Variants in KCNK3 observed in about 807,000 individuals in gnomAD.
KCNK3 encodes potassium channel subfamily K member 3.
In KCNK3, 9 loss-of-function variants were observed where a neutral mutation model predicts 27.3. The ratio of observed to expected loss-of-function variants is 0.33; its 90% CI spans 0.20 to 0.57. The LOEUF (loss-of-function observed/expected upper bound fraction) is 0.57. Ranked by LOEUF, KCNK3 falls within the 20% of genes least tolerant of loss-of-function variation. The pLI, the probability that KCNK3 is intolerant of heterozygous loss-of-function variation, is 0.87. For missense variants in KCNK3, 391 were observed against 577.7 expected, an observed-to-expected ratio of 0.68 and a Z score of 3.31; for synonymous variants, 278 against 273.8, an observed-to-expected ratio of 1.02 and a Z score of -0.15.
rs547671136 is a variant in KCNK3, at chr2:26,695,670, G to T, written c.283+2512G>T. Among the ~76,000 whole-genome samples the T allele has an allele frequency of 1.2e-4, 18 of 152,326 alleles. No homozygotes were observed. The South Asian group carries it at 3.1e-3, about 26-fold the overall frequency. ...TACCCAGAGGCTGTGAGCACACACAGAATGCTATTGATGGGTTTAAGGTGT... is the reference window on the plus strand; with the variant it reads ...TACCCAGAGGCTGTGAGCACACACATAATGCTATTGATGGGTTTAAGGTGT... On this transcript the variant is annotated intron_variant, in intron 1 of 1. Transcript: ENST00000302909.
At chr2:26,718,012 T>C (rs1663262577) in intron 1 of KCNK3, among the ~76,000 whole-genome samples, 1 of 152,102 alleles carries the variant, frequency 6.6e-6, no homozygotes, top group Non-Finnish European at 1.5e-5. Context: ...ATGCAGGGCA[T>C]CCCACACACC....
chr2:26,696,425 G>A (rs1670236011), intron 1 of KCNK3, among the ~76,000 whole-genome samples: 1 of 152,212 alleles, frequency 6.6e-6, no homozygotes, highest in South Asian at 2.1e-4. Context: ...CATATGCTAT[G>A]AAGCTCAGAC....
chr2:26,727,215 G>A (rs978119316), intron 1 of KCNK3, among the ~76,000 whole-genome samples: 3 of 152,178 alleles, frequency 2.0e-5, no homozygotes, highest in African/African-American at 7.2e-5. Context: ...ACTGAGGCAT[G>A]GAGAGGACAA....
Position 26,693,227 on chromosome 2 carries a change from C to T in KCNK3, c.283+69C>T, listed in dbSNP as rs2148251876. 1.0e-5 allele frequency: 3 copies of T among 295,494 alleles called. No individual in the cohort carries two copies. The highest frequency in any genetic ancestry group is 5.3e-5 in the Admixed American group (1 of 18,834). 18.3% of individuals were successfully genotyped at this position (295,494 alleles called of 1,614,324 possible). A position where few individuals can be genotyped will look rare whatever the true frequency, so the allele number is the denominator to read the frequency against. On this transcript the variant is annotated intron_variant, in intron 1 of 1. Coordinates refer to ENST00000302909, the MANE Select transcript of KCNK3 (RefSeq NM_002246.3). The surrounding 1 kb of genome is among the most constrained non-coding windows in gnomAD (Gnocchi z 5.5). ...CGGGGCTCCGGGAGTCGTCCGGGGC[C>T]GGCTGGGGCTGGGGGCGGGGGCTCC...
At chr2:26,700,050 T>C (rs1332623692) in intron 1 of KCNK3, among the ~76,000 whole-genome samples, 1 of 152,232 alleles carries the variant, frequency 6.6e-6, no homozygotes, top group African/African-American at 2.4e-5. Flanking sequence ...TGGGCTCAGC[T>C]TCAGGGTCTC....
intron 1 of KCNK3, among the ~76,000 whole-genome samples, chr2:26,720,908 G>A (rs781735174): frequency 2.0e-5 from 3 of 152,148 alleles, no homozygotes; most frequent in Non-Finnish European, 2.9e-5. Flanking sequence ...CATGAGACCC[G>A]GTGGTTCCCA....
chr2:26,727,807 C>A lies in KCNK3; in HGVS notation c.424C>A (p.Arg142Ser), dbSNP rs1193401227. The A allele has an allele frequency of 6.2e-7, 1 of 1,611,030 alleles. No homozygotes were observed. Among genetic ancestry groups the A allele is most frequent in the African/African-American group, 1.3e-5 (1 of 74,906 alleles). ...INTLVRYLLH[R>S]AKKGLGMRRA... ...CACCTTGGTGAGGTACCTGCTGCAC[C>A]GCGCCAAGAAGGGGCTGGGCATGCG... The change falls in exon 2 of 2, where the codon CGC becomes AGC. Residue 142 changes from arginine to serine, a missense_variant. Arg to Ser is a moderately radical substitution (Grantham distance 110). Transcript: ENST00000302909.
rs558198271 is a variant in KCNK3 at position 26,707,600 on chromosome 2, G to A, written c.283+14442G>A. On this transcript the variant is annotated intron_variant, in intron 1 of 1. Transcript: ENST00000302909. Reference sequence around the variant, plus strand: ...CACTCAGAATGTTTTGGGGCCTGGTGTGATTCCCTGCTACAGAGCCTACAC... The same window carrying A: ...CACTCAGAATGTTTTGGGGCCTGGTATGATTCCCTGCTACAGAGCCTACAC... Among the ~76,000 whole-genome samples, 6 of 152,320 alleles carry A rather than the reference G, an allele frequency of 3.9e-5. No individual in the cohort carries two copies. In the South Asian group the frequency reaches 1.2e-3, roughly 32 times the overall value.
At chr2:26,712,187 C>T (rs1325696080) in intron 1 of KCNK3, among the ~76,000 whole-genome samples, 2 of 152,136 alleles carry the variant, frequency 1.3e-5, no homozygotes, top group Non-Finnish European at 2.9e-5. Flanking sequence ...GCAACAAGCC[C>T]AGGGCAAGTC....
chr2:26,728,263 G>A lies in KCNK3; in HGVS notation c.880G>A (p.Gly294Ser), dbSNP rs1029431375. 16 of 1,586,402 alleles carry A rather than the reference G, an allele frequency of 1.0e-5. No homozygotes were observed. The highest frequency in any genetic ancestry group is 1.4e-5 in the Non-Finnish European group (16 of 1,166,638). ...CTCATCCACGGCGGCAGCGGGCGGC[G>A]GCGGCTTCCGCAACGTCTACGCGGA... Reference protein sequence around the residue: ...TASSTAAAGGGGFRNVYAEVL... With the variant: ...TASSTAAAGGSGFRNVYAEVL... Residue 294 changes from glycine to serine, a missense_variant, in exon 2 of 2, where the codon GGC becomes AGC. Physicochemically the swap from Gly to Ser is moderately conservative, Grantham distance 56. Around this residue, in one of 4 missense-constraint regions of KCNK3, gnomAD observed 192 missense variants for 196.0 expected, o/e 0.98. Transcript: ENST00000302909.
At chr2:26,727,295 C>G (rs1663437432) in intron 1 of KCNK3, among the ~76,000 whole-genome samples, 1 of 152,226 alleles carries the variant, frequency 6.6e-6, no homozygotes, top group Non-Finnish European at 1.5e-5. Flanking sequence ...CCCTCACACT[C>G]TCCCTGTGCC....
chr2:26,712,666 A>AGTGTGTGTGT (rs4007222), intron 1 of KCNK3, among the ~76,000 whole-genome samples: 34 of 145,704 alleles, frequency 2.3e-4, no homozygotes, highest in African/African-American at 8.3e-4. Flanking sequence ...TGGGTGTTGG[A>AGTGTGTGTGT]GTGTGTGTGT....
intron 1 of KCNK3, among the ~76,000 whole-genome samples, chr2:26,702,211 T>C (rs1347073008): frequency 2.0e-5 from 3 of 152,122 alleles, no homozygotes; most frequent in Middle Eastern, 6.3e-3. Context: ...TGTCCTCACA[T>C]CCTCACATGA....
In KCNK3 at chr2:26,718,807, T is replaced by C. The variant is rs143632149; in HGVS notation, c.284-8860T>C. ...GTTTTTTTCTAGAGATGGGTCTCAC[T>C]GTGTTGCCCAGGTTCGTCTCGGATT... is the stretch of plus-strand genomic sequence containing the variant. On this transcript the variant is annotated intron_variant, in intron 1 of 1. Transcript: ENST00000302909. Among the ~76,000 whole-genome samples the C allele has an allele frequency of 2.3e-3, 347 of 152,128 alleles. 4 individuals are homozygous for C. In the East Asian group the frequency reaches 0.028, roughly 12 times the overall value.
chr2:26,704,022 G>A (rs1213393027), intron 1 of KCNK3, among the ~76,000 whole-genome samples: 8 of 152,152 alleles, frequency 5.3e-5, no homozygotes, highest in Admixed American at 3.9e-4. Flanking sequence ...CCTGAGTCCT[G>A]ACCAGTGAAT....
chr2:26,710,188 G>T (rs1265492874), intron 1 of KCNK3, among the ~76,000 whole-genome samples: 1 of 152,246 alleles, frequency 6.6e-6, no homozygotes, highest in Non-Finnish European at 1.5e-5. Context: ...GGGCCTGCGA[G>T]ACAGAAGTGT....
intron 1 of KCNK3, among the ~76,000 whole-genome samples, chr2:26,700,752 C>T (rs562186997): frequency 3.3e-5 from 5 of 149,418 alleles, no homozygotes; most frequent in African/African-American, 1.3e-4. Context: ...TCATCACCAT[C>T]ATCATCATCA....
chr2:26,693,076 G>A lies in KCNK3; in HGVS notation c.201G>A (p.Leu67=). Residue 67 remains leucine, a synonymous_variant, in exon 1 of 2, where the codon CTG becomes CTA. Coordinates refer to ENST00000302909, the MANE Select transcript of KCNK3 (RefSeq NM_002246.3). This position sits in a 1 kb window ranked among gnomAD's most constrained non-coding sequence, Gnocchi z 5.5. ...ACGAGGAGCTGGAGCGCGTCGTGCT[G>A]CGCCTCAAGCCGCACAAGGCCGGCG... The part of the protein sequence containing the change: ...GGYEELERVV[L]RLKPHKAGVQ... 1 of 1,604,012 alleles carries A rather than the reference G, an allele frequency of 6.2e-7. No individual in the cohort carries two copies. Among genetic ancestry groups the A allele is most frequent in the Non-Finnish European group, 8.5e-7 (1 of 1,177,124 alleles).
chr2:26,724,361 C>T (rs968694723), intron 1 of KCNK3: 6 of 152,622 alleles, frequency 3.9e-5, no homozygotes, highest in African/African-American at 7.2e-5. Context: ...CCTCCCAAGG[C>T]CTCCCGGCCT....
Sources: allele counts gnomAD v4.1 joint callset (sites outside exome capture counted in the v4.1 genomes callset), GRCh38; gene constraint gnomAD v4.1.1; regional missense constraint gnomAD v4.1.1; non-coding constraint Gnocchi (gnomAD v3.1); transcripts MANE v1.5; gene names NCBI Gene and HGNC (gene_info 2026-07-23, HGNC 2026-07-21).